Variants in KCNN3 observed in about 807,000 individuals in gnomAD.
KCNN3 encodes the protein potassium calcium-activated channel subfamily N member 3, also known as small conductance calcium-activated potassium channel protein 3.
Under a neutral mutation model 62.9 loss-of-function variants are expected in KCNN3, and 16 were observed. The ratio of observed to expected loss-of-function variants is 0.25; its 90% CI spans 0.17 to 0.39. The LOEUF (loss-of-function observed/expected upper bound fraction) is 0.39, where lower values mean the gene tolerates loss of function less well. KCNN3 is among the 10% of genes least tolerant of loss of function. KCNN3 has a pLI of 1.00. For synonymous variants in KCNN3, 370 were observed against 389.2 expected, an observed-to-expected ratio of 0.95 and a Z score of 0.58; for missense variants, 599 against 949.4, an observed-to-expected ratio of 0.63 and a Z score of 4.85.
At chr1:154,744,219 T>G (rs1700887799) in intron 3 of KCNN3, among the ~76,000 whole-genome samples, 2 of 65,242 alleles carry the variant, frequency 3.1e-5, no homozygotes, top group South Asian at 1.0e-3. Flanking sequence ...AATAAATACT[T>G]GTCCAATGAA....
intron 2 of KCNN3, among the ~76,000 whole-genome samples, chr1:154,802,390 G>C (rs1649994177): frequency 6.6e-6 from 1 of 152,162 alleles, no homozygotes; most frequent in African/African-American, 2.4e-5. Flanking sequence ...AAGGAGGGGA[G>C]TTTGAAAAAA....
intron 2 of KCNN3, among the ~76,000 whole-genome samples, chr1:154,807,187 C>T (rs1369937526): frequency 6.6e-6 from 1 of 151,968 alleles, no homozygotes; most frequent in Non-Finnish European, 1.5e-5. Flanking sequence ...AAGGAGAGGC[C>T]GAGGACATAC....
chr1:154,848,035 G>A (rs1652149000), intron 1 of KCNN3, among the ~76,000 whole-genome samples: 1 of 152,184 alleles, frequency 6.6e-6, no homozygotes. Flanking sequence ...GGAAGAGGGT[G>A]TATTCCACCT....
intron 1 of KCNN3, among the ~76,000 whole-genome samples, chr1:154,867,012 G>A (rs1314738580): frequency 1.3e-5 from 2 of 152,186 alleles, no homozygotes; most frequent in African/African-American, 4.8e-5. Flanking sequence ...CACTGTCTCT[G>A]GGAATAGCCG....
rs796216928 is a variant in KCNN3, at chr1:154,698,168, C to G, written c.*9808G>C. On this transcript the variant is annotated 3_prime_UTR_variant, in exon 8 of 8. Transcript: ENST00000271915. ...GAAAAAGTCCCAGATATTACATACT[C>G]CTTCTAAAGCACCTAATTTGCATTT... 2 of 152,264 alleles carry G rather than the reference C, an allele frequency of 1.3e-5. No homozygotes were observed. The highest frequency in any genetic ancestry group is 4.8e-5 in the African/African-American group (2 of 41,554). The allele number at this position is 152,264 out of a possible 1,614,324, so 9.4% of individuals were successfully genotyped here. A position where few individuals can be genotyped will look rare whatever the true frequency, so the allele number is the denominator to read the frequency against.
chr1:154,855,539 C>T lies in KCNN3; in HGVS notation c.933+13493G>A, dbSNP rs1163110174. ...CATACTTGCCATTGTGTTATGATTG[C>T]CTACAGTATTCAATACAGGCCTGGG... On this transcript the variant is annotated intron_variant, in intron 1 of 7. Transcript: ENST00000271915. Among the ~76,000 whole-genome samples, 3 of 152,176 alleles carry T rather than the reference C, an allele frequency of 2.0e-5. No individual in the cohort carries two copies. The East Asian group carries it at 5.8e-4, about 29-fold the overall frequency.
At chr1:154,856,559 C>A (rs1218590) in intron 1 of KCNN3, among the ~76,000 whole-genome samples, 2 of 152,178 alleles carry the variant, frequency 1.3e-5, no homozygotes, top group Admixed American at 6.5e-5. Flanking sequence ...AACTAAGCTG[C>A]CCCACACCTA....
At chr1:154,733,206 G>A in intron 3 of KCNN3, 62 bp from the exon 4 acceptor site, 1 of 1,547,294 alleles carries the variant, frequency 6.5e-7, no homozygotes, top group Non-Finnish European at 8.9e-7. Context: ...AGGGCTGTGG[G>A]CAAACCTAGA....
At chr1:154,737,754 T>C (rs528334434) in intron 3 of KCNN3, among the ~76,000 whole-genome samples, 1 of 151,832 alleles carries the variant, frequency 6.6e-6, no homozygotes, top group Non-Finnish European at 1.5e-5. Context: ...AGACAAAGAA[T>C]GAAAATGAAA....
At chr1:154,737,424 C>G (rs911753871) in intron 3 of KCNN3, among the ~76,000 whole-genome samples, 1 of 152,070 alleles carries the variant, frequency 6.6e-6, no homozygotes, top group Non-Finnish European at 1.5e-5. Flanking sequence ...TTTGCTCACT[C>G]AAATCCCTTA....
In KCNN3 at chr1:154,809,726, T is replaced by C. The variant is rs1650322190; in HGVS notation, c.1029+12363A>G. ...TGCAGGGAAACGTAACAGAAGAAAA[T>C]GAAAGGTACAGTTCTCACCTAAAAA... On this transcript the variant is annotated intron_variant, in intron 2 of 7. Coordinates refer to ENST00000271915, the MANE Select transcript of KCNN3 (RefSeq NM_002249.6). The surrounding 1 kb of genome is among the most constrained non-coding windows in gnomAD (Gnocchi z 4.3). Among the ~76,000 whole-genome samples the C allele has an allele frequency of 6.6e-6, 1 of 151,888 alleles. No individual in the cohort carries two copies.
rs191834830 is a variant in KCNN3 at position 154,732,294 on chromosome 1, G to A, written c.1590+709C>T. ...GACAGGTGAGAGTGTGTGCCTCCGCGAGAGTGTCGAGTGTGGGTGGTAGGG... is the reference window on the plus strand; with the variant it reads ...GACAGGTGAGAGTGTGTGCCTCCGCAAGAGTGTCGAGTGTGGGTGGTAGGG... On this transcript the variant is annotated intron_variant, in intron 4 of 7. Coordinates refer to ENST00000271915, the MANE Select transcript of KCNN3 (RefSeq NM_002249.6). Among the ~76,000 whole-genome samples the A allele has an allele frequency of 5.1e-4, 77 of 152,332 alleles. 2 individuals carry two copies. Among genetic ancestry groups the A allele is most frequent in the Middle Eastern group, 3.4e-3 (1 of 294 alleles).
intron 1 of KCNN3, among the ~76,000 whole-genome samples, chr1:154,854,905 G>A (rs1245238475): frequency 6.6e-6 from 1 of 152,168 alleles, no homozygotes; most frequent in East Asian, 1.9e-4. Flanking sequence ...TATTACAAAA[G>A]AGTATAAAAA....
At chr1:154,749,930 C>A (rs1205313519) in intron 3 of KCNN3, among the ~76,000 whole-genome samples, 7 of 152,212 alleles carry the variant, frequency 4.6e-5, no homozygotes, top group Non-Finnish European at 1.0e-4. Flanking sequence ...TCGCCTCTTT[C>A]CATAGGCCTG....
At position 154,867,991 on chromosome 1, in the gene KCNN3, C is replaced by A. The variant is rs1653018838; in HGVS notation, c.933+1041G>T. The A allele has an allele frequency of 6.1e-6, 6 of 985,340 alleles. 1 individual carries two copies. The South Asian group carries it at 2.4e-4, about 39-fold the overall frequency. 61.0% of individuals were successfully genotyped at this position (985,340 alleles called of 1,614,324 possible). ...CCCTCTGGGAGGGAAACCCCCTCCT[C>A]CGTCTTGGGGCTGGACTGAGAGGCT... is the stretch of plus-strand genomic sequence containing the variant. On this transcript the variant is annotated intron_variant, in intron 1 of 7. Transcript: ENST00000271915.
In KCNN3 at chr1:154,707,942, C is replaced by A. The variant is rs1366657115; in HGVS notation, c.*34G>T. On this transcript the variant is annotated 3_prime_UTR_variant, in exon 8 of 8. Transcript: ENST00000271915. ...AGAGAGTTGATTTGCATCTTAAGACCTATGGGTAATGCTTCTGGAGTGGGG... is the reference window on the plus strand; with the variant it reads ...AGAGAGTTGATTTGCATCTTAAGACATATGGGTAATGCTTCTGGAGTGGGG... 1 of 1,605,192 alleles carries A rather than the reference C, an allele frequency of 6.2e-7. No homozygotes were observed. Among genetic ancestry groups the A allele is most frequent in the Non-Finnish European group, 8.5e-7 (1 of 1,174,262 alleles).
At chr1:154,714,062 GTGTGGTGTT>G (rs1700137406) in intron 6 of KCNN3, among the ~76,000 whole-genome samples, 152 of 20,186 alleles carry the variant, frequency 7.5e-3, no homozygotes, top group African/African-American at 0.01. Context: ...GTGTGTGTGT[GTGTGGTGTT>G]TGTGTGTGGT....
intron 2 of KCNN3, among the ~76,000 whole-genome samples, chr1:154,780,759 T>C (rs1019409853): frequency 2.0e-5 from 3 of 152,072 alleles, no homozygotes; most frequent in Non-Finnish European, 2.9e-5. Flanking sequence ...CGAAATGAAC[T>C]TCTGGGTTTG....
chr1:154,713,379 C>T lies in KCNN3; in HGVS notation c.1899+85G>A, dbSNP rs141153850. ...TTGCCTGGTCCCGCGCTGTCCAGTG[C>T]GAACCCAGCCAGGACTCACAGGTGA... On this transcript the variant is annotated intron_variant, in intron 7 of 7. Transcript: ENST00000271915. 426 of 1,155,394 alleles carry T rather than the reference C, an allele frequency of 3.7e-4. 3 individuals carry two copies. The East Asian group carries it at 9.4e-3, about 26-fold the overall frequency. 71.6% of individuals were successfully genotyped at this position (1,155,394 alleles called of 1,614,324 possible). A position where few individuals can be genotyped will look rare whatever the true frequency, so the allele number is the denominator to read the frequency against.
Sources: allele counts gnomAD v4.1 joint callset (sites outside exome capture counted in the v4.1 genomes callset), GRCh38; gene constraint gnomAD v4.1.1; non-coding constraint Gnocchi (gnomAD v3.1); transcripts MANE v1.5; gene names NCBI Gene and HGNC (gene_info 2026-07-23, HGNC 2026-07-21).